The following KCNH8 variants were observed in gnomAD, a reference collection of about 807,000 sequenced individuals.
KCNH8 encodes the protein voltage-gated delayed rectifier potassium channel KCNH8.
In KCNH8, 70 loss-of-function variants were observed where a neutral mutation model predicts 103.6. The observed-to-expected ratio is 0.68, with a 90% CI of 0.56 to 0.82. KCNH8 has a LOEUF of 0.82. KCNH8 is among the 40% of genes least tolerant of loss of function. The pLI is 0.00. For synonymous variants in KCNH8, 498 were observed against 489.4 expected, an observed-to-expected ratio of 1.02 and a Z score of -0.23; for missense variants, 1,217 against 1,329.9, an observed-to-expected ratio of 0.92 and a Z score of 1.32.
intron 12 of KCNH8, among the ~76,000 whole-genome samples, chr3:19,511,640 C>T (rs145257074): frequency 6.6e-6 from 1 of 152,036 alleles, no homozygotes; most frequent in Non-Finnish European, 1.5e-5. Context: ...GAGTTTTAAA[C>T]GCTGTGAAAA....
intron 7 of KCNH8, among the ~76,000 whole-genome samples, chr3:19,401,903 T>C (rs559287540): frequency 6.6e-6 from 1 of 152,028 alleles, no homozygotes; most frequent in African/African-American, 2.4e-5. Context: ...AGGGAGTTAA[T>C]ATGATTTCAA....
At chr3:19,363,396 C>A (rs749606452) in intron 5 of KCNH8, among the ~76,000 whole-genome samples, 11 of 152,118 alleles carry the variant, frequency 7.2e-5, no homozygotes, top group African/African-American at 2.4e-4. Flanking sequence ...TCTGAAGAGG[C>A]CTGAAAGGCA....
intron 5 of KCNH8, among the ~76,000 whole-genome samples, chr3:19,357,324 A>G (rs2065892895): frequency 6.6e-6 from 1 of 151,912 alleles, no homozygotes; most frequent in Non-Finnish European, 1.5e-5. Context: ...CTGTCTTGTT[A>G]TCATTCAGAG....
At position 19,253,215 on chromosome 3, in the gene KCNH8, T is replaced by A. The variant is rs564316089; in HGVS notation, c.77-439T>A. Among the ~76,000 whole-genome samples the A allele has an allele frequency of 2.1e-3, 326 of 152,282 alleles. 2 individuals carry two copies. The highest frequency in any genetic ancestry group is 4.0e-3 in the Non-Finnish European group (269 of 68,018). On this transcript the variant is annotated intron_variant, in intron 1 of 15. Transcript: ENST00000328405. ...TCCTGGAATCACCTCCCAAATAAAC[T>A]AATTATGCTCAAATCTTAGTCTCAG...
chr3:19,415,258 G>T (rs887014494), intron 7 of KCNH8, among the ~76,000 whole-genome samples: 3 of 151,816 alleles, frequency 2.0e-5, no homozygotes, highest in African/African-American at 7.3e-5. Flanking sequence ...ACAATTCTAT[G>T]AGCCCAATAC....
At chr3:19,402,095 G>A (rs552375629) in intron 7 of KCNH8, among the ~76,000 whole-genome samples, 56 of 151,996 alleles carry the variant, frequency 3.7e-4, no homozygotes, top group African/African-American at 1.2e-3. Flanking sequence ...ATCCCTGTTC[G>A]TAAAGACTGA....
At chr3:19,204,989 G>C (rs1206646306) in intron 1 of KCNH8, among the ~76,000 whole-genome samples, 3 of 151,912 alleles carry the variant, frequency 2.0e-5, no homozygotes, top group Non-Finnish European at 4.4e-5. Context: ...ATACCTATTA[G>C]GGGGCATATG....
At chr3:19,451,902 C>G (rs570631092) in intron 10 of KCNH8, among the ~76,000 whole-genome samples, 1 of 152,238 alleles carries the variant, frequency 6.6e-6, no homozygotes, top group African/African-American at 2.4e-5. Context: ...GTCAAGGTGA[C>G]TATAGGCTCT....
chr3:19,276,211 G>GTA (rs1394813968), intron 2 of KCNH8, among the ~76,000 whole-genome samples: 1 of 149,242 alleles, frequency 6.7e-6, no homozygotes. Context: ...GTGTGTGTGT[G>GTA]TATACATGTA....
At position 19,373,007 on chromosome 3, in the gene KCNH8, T is replaced by G. The variant is rs537827043; in HGVS notation, c.812-17474T>G. On this transcript the variant is annotated intron_variant, in intron 5 of 15. Coordinates refer to ENST00000328405, the MANE Select transcript of KCNH8 (RefSeq NM_144633.3). ...GCTTTTTGATGTGCTGCTGGATTCG[T>G]TTTGCCAGTATTTTATTGAGGATTT... Among the ~76,000 whole-genome samples the G allele has an allele frequency of 9.8e-3, 1,482 of 151,654 alleles. 19 individuals are homozygous for G. The highest frequency in any genetic ancestry group is 0.03 in the African/African-American group (1,249 of 41,262).
chr3:19,238,322 A>G (rs1369756872), intron 1 of KCNH8, among the ~76,000 whole-genome samples: 2 of 152,224 alleles, frequency 1.3e-5, no homozygotes, highest in African/African-American at 2.4e-5. Flanking sequence ...ACCTAGAATA[A>G]GAGTGCTCTC....
At chr3:19,222,644 C>A (rs1218338842) in intron 1 of KCNH8, among the ~76,000 whole-genome samples, 1 of 151,810 alleles carries the variant, frequency 6.6e-6, no homozygotes, top group African/African-American at 2.4e-5. Flanking sequence ...ATAAATTGTA[C>A]CACCAAGAAA....
At chr3:19,491,843 T>C (rs1262834674) in intron 11 of KCNH8, among the ~76,000 whole-genome samples, 1 of 152,238 alleles carries the variant, frequency 6.6e-6, no homozygotes, top group East Asian at 1.9e-4. Flanking sequence ...CATCTGTTTT[T>C]TGACTTTTTA....
chr3:19,499,467 C>T (rs1221211988), intron 11 of KCNH8, among the ~76,000 whole-genome samples: 1 of 152,080 alleles, frequency 6.6e-6, no homozygotes, highest in Non-Finnish European at 1.5e-5. Context: ...TTGAGAAGAG[C>T]AACTCCAAGA....
intron 10 of KCNH8, 23 bp from the exon 11 acceptor site, chr3:19,456,740 TGAAAA>T: frequency 2.0e-6 from 3 of 1,515,644 alleles, no homozygotes; most frequent in Admixed American, 1.7e-5. Flanking sequence ...TTTTTTTTTT[TGAAAA>T]TGATCTCTCT....
chr3:19,307,258 C>T (rs1026987302), intron 3 of KCNH8, among the ~76,000 whole-genome samples: 2 of 151,840 alleles, frequency 1.3e-5, no homozygotes, highest in African/African-American at 4.8e-5. Context: ...TTTCAACAGA[C>T]ATTTTTCAAA....
At chr3:19,508,026 T>C (rs995576123) in intron 11 of KCNH8, among the ~76,000 whole-genome samples, 3 of 152,222 alleles carry the variant, frequency 2.0e-5, no homozygotes, top group African/African-American at 7.2e-5. Context: ...TTTAATTCTG[T>C]TTATGTGGTG....
intron 5 of KCNH8, among the ~76,000 whole-genome samples, chr3:19,374,991 G>C (rs1432377395): frequency 6.6e-6 from 1 of 151,816 alleles, no homozygotes; most frequent in Non-Finnish European, 1.5e-5. Flanking sequence ...AGTCTGATGG[G>C]CTTCCCTTTG....
In KCNH8 at chr3:19,342,579, TC is replaced by T; in HGVS notation, c.443-3del. ...CATGTGTGTCTAATGAGTTTTATTTTCCCCCAGACAAAGTCAAAGGAAGATC... is the reference window on the plus strand; with the variant it reads ...CATGTGTGTCTAATGAGTTTTATTTTCCCCAGACAAAGTCAAAGGAAGATC... On this transcript the variant is annotated splice_region_variant and splice_polypyrimidine_tract_variant and intron_variant, in intron 3 of 15. Transcript: ENST00000328405. 1 of 1,607,538 alleles carries T rather than the reference TC, an allele frequency of 6.2e-7. No individual in the cohort carries two copies. The highest frequency in any genetic ancestry group is 8.5e-7 in the Non-Finnish European group (1 of 1,176,032).
Sources: allele counts gnomAD v4.1 joint callset (sites outside exome capture counted in the v4.1 genomes callset), GRCh38; gene constraint gnomAD v4.1.1; transcripts MANE v1.5; gene names NCBI Gene and HGNC (gene_info 2026-07-23, HGNC 2026-07-21).